ZRANB3: variants seen among roughly 807,000 people sequenced by gnomAD.
ZRANB3 encodes the protein zinc finger RANBP2-type containing 3, also known as DNA annealing helicase and endonuclease ZRANB3.
A neutral mutation model predicts 133.8 loss-of-function variants in ZRANB3; 125 were observed. The ratio of observed to expected loss-of-function variants is 0.93; its 90% confidence interval spans 0.81 to 1.08. The LOEUF is 1.08. Among genes scored for constraint, ZRANB3 ranks in the 50% least tolerant of loss-of-function variants. ZRANB3 has a pLI of 0.00. For missense variants in ZRANB3, 1,229 were observed against 1,275.5 expected, an observed-to-expected ratio of 0.96 and a Z score of 0.56; for synonymous variants, 387 against 432.7, an observed-to-expected ratio of 0.89 and a Z score of 1.31.
chr2:135,505,006 ATAT>A (rs1334085603), intron 1 of ZRANB3, among the ~76,000 whole-genome samples: 1 of 152,146 alleles, frequency 6.6e-6, no homozygotes, highest in African/African-American at 2.4e-5. Context: ...AATTAATGTA[ATAT>A]TATTAAATTG....
At chr2:135,300,511 C>G (rs1682376047) in intron 8 of ZRANB3, among the ~76,000 whole-genome samples, 1 of 152,124 alleles carries the variant, frequency 6.6e-6, no homozygotes, top group Admixed American at 6.5e-5. Flanking sequence ...CAGCTTGCAC[C>G]TTGTTGTGTT....
chr2:135,257,707 C>A (rs890885767), intron 12 of ZRANB3, among the ~76,000 whole-genome samples: 7 of 152,152 alleles, frequency 4.6e-5, no homozygotes, highest in Non-Finnish European at 8.8e-5. Flanking sequence ...CTTTGAATGT[C>A]CTGTATGTGG....
chr2:135,426,910 ATG>A, intron 2 of ZRANB3, among the ~76,000 whole-genome samples: 2 of 109,624 alleles, frequency 1.8e-5, no homozygotes, highest in Non-Finnish European at 4.0e-5. Context: ...ATATATATAT[ATG>A]TGCAAATCAA....
intron 18 of ZRANB3, 95 bp downstream of exon 18, chr2:135,208,773 G>T (rs1328861902): frequency 9.3e-7 from 1 of 1,079,144 alleles, no homozygotes; most frequent in Non-Finnish European, 1.4e-6. Flanking sequence ...CTCTAAAGTG[G>T]TCATGCAAAG....
chr2:135,275,492 T>A (rs1415789736), intron 9 of ZRANB3, 144 bp downstream of exon 9: 3 of 534,860 alleles, frequency 5.6e-6, no homozygotes, highest in Non-Finnish European at 8.8e-6. Flanking sequence ...AATATTAATA[T>A]AATTTTCAAG....
At position 135,207,471 on chromosome 2, in the gene ZRANB3, A is replaced by G; in HGVS notation, c.2972T>C (p.Leu991Pro). The change falls in exon 19 of 21, where the codon CTG becomes CCG. Residue 991 changes from leucine (L) to proline (P), a missense_variant. Physicochemically the swap from Leu to Pro is moderately conservative, Grantham distance 98. Transcript: ENST00000264159. ...GAGCTTTGAAGTCCAGGTAGCATAC[A>G]GAAGATTCTTCCTCTGACTTTTAGG... ...DAPKSQRKNLLYATWTSKLPL... is the reference protein window; with the variant it reads ...DAPKSQRKNLPYATWTSKLPL... 6.2e-7 allele frequency: 1 copy of G among 1,613,756 alleles called. No homozygotes were observed. The highest frequency in any genetic ancestry group is 8.5e-7 in the Non-Finnish European group (1 of 1,179,772).
At chr2:135,249,594 CAT>C (rs1178922364) in intron 12 of ZRANB3, among the ~76,000 whole-genome samples, 2 of 152,286 alleles carry the variant, frequency 1.3e-5, no homozygotes, top group Admixed American at 1.3e-4. Flanking sequence ...AGAATTCCCA[CAT>C]GTTGTGGGAG....
chr2:135,383,896 G>T (rs934565640), intron 3 of ZRANB3, among the ~76,000 whole-genome samples: 1 of 152,148 alleles, frequency 6.6e-6, no homozygotes, highest in Non-Finnish European at 1.5e-5. Context: ...CAGCAGGAAA[G>T]ATCTAAAATT....
At chr2:135,520,778 T>C (rs974349061) in intron 1 of ZRANB3, among the ~76,000 whole-genome samples, 4 of 151,946 alleles carry the variant, frequency 2.6e-5, no homozygotes, top group African/African-American at 9.7e-5. Context: ...AGAGACGGGG[T>C]TACACCATCT....
intron 15 of ZRANB3, among the ~76,000 whole-genome samples, chr2:135,223,997 T>C (rs1487951586): frequency 6.6e-6 from 1 of 152,232 alleles, no homozygotes; most frequent in Non-Finnish European, 1.5e-5. Flanking sequence ...ACAAATCCTG[T>C]CTGCATTTTA....
chr2:135,387,175 T>C lies in ZRANB3; in HGVS notation c.180+3627A>G, dbSNP rs572680850. ...TTTATAAAAAAAAAAGTAGGTTCAA[T>C]AACACAGATGTAAAATTGCTCTCCC... On this transcript the variant is annotated intron_variant, in intron 3 of 20. Coordinates refer to ENST00000264159, the MANE Select transcript of ZRANB3 (RefSeq NM_032143.4). Among the ~76,000 whole-genome samples the C allele has an allele frequency of 4.6e-5, 7 of 152,130 alleles. No individual in the cohort carries two copies. The East Asian group carries it at 9.7e-4, about 21-fold the overall frequency.
At chr2:135,488,300 T>C (rs1435877495) in intron 2 of ZRANB3, among the ~76,000 whole-genome samples, 1 of 152,156 alleles carries the variant, frequency 6.6e-6, no homozygotes, top group Non-Finnish European at 1.5e-5. Flanking sequence ...ATGAAATAGT[T>C]TGAAATATTG....
Position 135,224,435 on chromosome 2 carries a change from G to A in ZRANB3, c.2241C>T (p.Ile747=), listed in dbSNP as rs752144476. The A allele has an allele frequency of 1.2e-6, 2 of 1,611,830 alleles. No homozygotes were observed. Among genetic ancestry groups the A allele is most frequent in the South Asian group, 2.2e-5 (2 of 90,664 alleles). ...CASRNTDRIH[I]YTKDGKQMSC... is the part of the protein sequence containing the mutation. ...TCTGCATGACGCTTACCTTAGTATA[G>A]ATGTGAATCCGGTCAGTATTCCTAC... The change falls in exon 15 of 21, where the codon ATC becomes ATT. Residue 747 remains isoleucine, a synonymous_variant. Transcript: ENST00000264159.
At chr2:135,255,680 T>C (rs1008195142) in intron 12 of ZRANB3, among the ~76,000 whole-genome samples, 3 of 151,900 alleles carry the variant, frequency 2.0e-5, no homozygotes, top group Non-Finnish European at 4.4e-5. Flanking sequence ...GAGACCCCCA[T>C]CTCTACAAAA....
chr2:135,500,273 T>C (rs1357244670), intron 2 of ZRANB3, among the ~76,000 whole-genome samples: 2 of 152,294 alleles, frequency 1.3e-5, no homozygotes, highest in East Asian at 3.9e-4. Context: ...ACAATTCTTC[T>C]TGGTAGATAT....
chr2:135,388,397 C>A (rs934983980), intron 3 of ZRANB3, among the ~76,000 whole-genome samples: 2 of 152,160 alleles, frequency 1.3e-5, no homozygotes, highest in Admixed American at 6.5e-5. Context: ...ATGGTGAATT[C>A]CATAGATTTA....
chr2:135,366,957 C>A (rs1008742004), intron 3 of ZRANB3, among the ~76,000 whole-genome samples: 2 of 151,960 alleles, frequency 1.3e-5, no homozygotes, highest in African/African-American at 4.8e-5. Flanking sequence ...GGAGGCAGAG[C>A]TTGCAGTGAG....
intron 2 of ZRANB3, among the ~76,000 whole-genome samples, chr2:135,493,023 C>A (rs191646880): frequency 1.4e-5 from 2 of 146,350 alleles, no homozygotes; most frequent in Admixed American, 1.4e-4. Flanking sequence ...GCTGAAATAA[C>A]TAGATATTGG....
intron 13 of ZRANB3, among the ~76,000 whole-genome samples, chr2:135,229,057 G>A (rs1325760273): frequency 6.6e-6 from 1 of 152,110 alleles, no homozygotes. Flanking sequence ...TCACAATAGA[G>A]CTTATTTTTA....
Sources: gnomAD v4.1 joint callset for allele counts (sites outside exome capture counted in the v4.1 genomes callset) on GRCh38, gnomAD v4.1.1 for gene constraint, MANE v1.5 for transcripts, NCBI Gene and HGNC (gene_info 2026-07-23, HGNC 2026-07-21) for gene names.